The following SLC9A9 variants were observed in gnomAD, a reference collection of about 807,000 sequenced individuals.
The protein encoded by SLC9A9 is sodium/hydrogen exchanger 9.
In SLC9A9, 62 loss-of-function variants were observed where a neutral mutation model predicts 77.8. The ratio of observed to expected loss-of-function variants is 0.80; its 90% CI spans 0.65 to 0.98. The LOEUF is 0.98. Ranked by LOEUF, SLC9A9 falls within the 50% of genes least tolerant of loss-of-function variation. The pLI is 0.00. For synonymous variants in SLC9A9, 320 were observed against 283.5 expected (o/e 1.13, Z -1.29); for missense variants, 775 against 774.9 (o/e 1.00, Z 0.00).
intron 12 of SLC9A9, among the ~76,000 whole-genome samples, chr3:143,433,160 A>T (rs951043611): frequency 3.9e-5 from 6 of 152,170 alleles, no homozygotes; most frequent in Admixed American, 3.3e-4. Flanking sequence ...ATCAATCTTG[A>T]TAAGTTTGCT....
rs146318775 is a variant in SLC9A9, at chr3:143,661,744, C to T, written c.650-9384G>A. Among the ~76,000 whole-genome samples the T allele has an allele frequency of 7.6e-3, 1,150 of 152,184 alleles. 16 individuals are homozygous for T. Among genetic ancestry groups the T allele is most frequent in the African/African-American group, 0.025 (1,047 of 41,518 alleles). Reference sequence around the variant, plus strand: ...TTCCTTATGTTGGCCAGGCTGGTCTCGAACTCCTGACCTCAAATGATCCAC... The same window carrying T: ...TTCCTTATGTTGGCCAGGCTGGTCTTGAACTCCTGACCTCAAATGATCCAC... On this transcript the variant is annotated intron_variant, in intron 5 of 15. Transcript: ENST00000316549.
chr3:143,780,535 C>G (rs911472247), intron 4 of SLC9A9, among the ~76,000 whole-genome samples: 33 of 152,130 alleles, frequency 2.2e-4, no homozygotes, highest in African/African-American at 7.5e-4. Flanking sequence ...AGAGGAAAAA[C>G]AAACCTCAAG....
chr3:143,699,607 T>C (rs1388157680), intron 4 of SLC9A9, among the ~76,000 whole-genome samples: 2 of 152,178 alleles, frequency 1.3e-5, no homozygotes, highest in South Asian at 2.1e-4. Flanking sequence ...ACTCAGTTCA[T>C]GCCTTTCCAC....
At chr3:143,716,827 T>G (rs150649888) in intron 4 of SLC9A9, among the ~76,000 whole-genome samples, 2 of 152,166 alleles carry the variant, frequency 1.3e-5, no homozygotes, top group Non-Finnish European at 2.9e-5. Flanking sequence ...AGGGAGAATA[T>G]AGGATGGTAC....
At chr3:143,707,241 G>C (rs1483900397) in intron 4 of SLC9A9, among the ~76,000 whole-genome samples, 4 of 152,100 alleles carry the variant, frequency 2.6e-5, no homozygotes, top group Non-Finnish European at 4.4e-5. Flanking sequence ...GGGACTTCCA[G>C]TATTGGGAAT....
rs58524637 is a variant in SLC9A9 at position 143,660,550 on chromosome 3, T to C, written c.650-8190A>G. ...GTGAGACTCTGATCTAAGAACCCAA[T>C]TGAACCAACCTGGACTTCTGACCTA... On this transcript the variant is annotated intron_variant, in intron 5 of 15. Transcript: ENST00000316549. Among the ~76,000 whole-genome samples the C allele has an allele frequency of 8.5e-4, 129 of 152,304 alleles. 4 individuals are homozygous for C. The East Asian group carries it at 0.024, about 29-fold the overall frequency.
At chr3:143,458,919 T>A (rs1183932819) in intron 12 of SLC9A9, among the ~76,000 whole-genome samples, 4 of 152,166 alleles carry the variant, frequency 2.6e-5, no homozygotes, top group South Asian at 2.1e-4. Flanking sequence ...ATTCTTTTTT[T>A]AAAGAGCAGA....
intron 14 of SLC9A9, among the ~76,000 whole-genome samples, chr3:143,309,098 T>C (rs1351145843): frequency 7.2e-5 from 11 of 152,228 alleles, no homozygotes; most frequent in Non-Finnish European, 5.9e-5. Flanking sequence ...AAGATTCTAT[T>C]TGGACCTCAA....
Position 143,696,248 on chromosome 3 carries a change from A to C in SLC9A9, c.534-2941T>G, listed in dbSNP as rs536830578. ...GCCTATGTCCTGAATGGTACTGCCT[A>C]GGTTTTCTTCTAGGGTTTTTATGGT... On this transcript the variant is annotated intron_variant, in intron 4 of 15. Coordinates refer to ENST00000316549, the MANE Select transcript of SLC9A9 (RefSeq NM_173653.4). Among the ~76,000 whole-genome samples, 21 of 152,258 alleles carry C rather than the reference A, an allele frequency of 1.4e-4. No homozygotes were observed. The East Asian group carries it at 4.1e-3, about 29-fold the overall frequency.
intron 14 of SLC9A9, among the ~76,000 whole-genome samples, chr3:143,298,539 G>A (rs2030380224): frequency 1.3e-5 from 2 of 152,206 alleles, no homozygotes; most frequent in South Asian, 4.1e-4. Flanking sequence ...GCTCAGTAGG[G>A]CATTGGCAAT....
At chr3:143,438,610 A>G (rs2034669080) in intron 12 of SLC9A9, among the ~76,000 whole-genome samples, 1 of 152,162 alleles carries the variant, frequency 6.6e-6, no homozygotes, top group African/African-American at 2.4e-5. Flanking sequence ...CAGACAGTGG[A>G]ATCAGTGTGT....
intron 12 of SLC9A9, among the ~76,000 whole-genome samples, chr3:143,436,373 G>C (rs1477843603): frequency 2.0e-5 from 3 of 152,214 alleles, no homozygotes; most frequent in Non-Finnish European, 4.4e-5. Flanking sequence ...TTAGCACTAG[G>C]AGGCCCTGTT....
chr3:143,567,754 G>A (rs560501906), intron 8 of SLC9A9, among the ~76,000 whole-genome samples: 3 of 152,274 alleles, frequency 2.0e-5, no homozygotes, highest in East Asian at 1.9e-4. Flanking sequence ...TGCAGGCCAC[G>A]TGTTAATGAG....
chr3:143,733,080 T>C (rs1220051889), intron 4 of SLC9A9, among the ~76,000 whole-genome samples: 3 of 152,218 alleles, frequency 2.0e-5, no homozygotes, highest in Non-Finnish European at 2.9e-5. Context: ...TGAACTATTA[T>C]TACTTCTGTT....
rs553932797 is a variant in SLC9A9, at chr3:143,366,304, A to G, written c.1525-2741T>C. Among the ~76,000 whole-genome samples, 3 of 152,328 alleles carry G rather than the reference A, an allele frequency of 2.0e-5. No individual in the cohort carries two copies. In the East Asian group the frequency reaches 5.8e-4, roughly 29 times the overall value. ...TTTTCAATTCTCACTCTATCAAGGT[A>G]GGTTGCATTGTACCTATTTTGCACA... On this transcript the variant is annotated intron_variant, in intron 13 of 15. Coordinates refer to ENST00000316549, the MANE Select transcript of SLC9A9 (RefSeq NM_173653.4).
chr3:143,692,487 G>A (rs894883373), intron 5 of SLC9A9, among the ~76,000 whole-genome samples: 31 of 152,136 alleles, frequency 2.0e-4, no homozygotes, highest in Non-Finnish European at 3.8e-4. Context: ...TGGGTGTGGA[G>A]GGGGTATAAA....
intron 12 of SLC9A9, among the ~76,000 whole-genome samples, chr3:143,405,624 T>G (rs2033961516): frequency 6.6e-6 from 1 of 152,182 alleles, no homozygotes; most frequent in African/African-American, 2.4e-5. Context: ...GGGAGCATTA[T>G]TTTTTAAAAC....
chr3:143,786,203 A>C (rs1481348223), intron 4 of SLC9A9, among the ~76,000 whole-genome samples: 2 of 152,184 alleles, frequency 1.3e-5, no homozygotes, highest in South Asian at 2.1e-4. Flanking sequence ...AATCCTTAGG[A>C]TAGGTTGTTT....
intron 4 of SLC9A9, among the ~76,000 whole-genome samples, chr3:143,741,796 AC>A (rs1215239014): frequency 1.3e-5 from 2 of 152,086 alleles, no homozygotes; most frequent in East Asian, 3.9e-4. Flanking sequence ...CAAAATTATG[AC>A]TGAGACAGTG....
Sources: gnomAD v4.1 joint callset for allele counts (sites outside exome capture counted in the v4.1 genomes callset) on GRCh38, gnomAD v4.1.1 for gene constraint, MANE v1.5 for transcripts, NCBI Gene and HGNC (gene_info 2026-07-23, HGNC 2026-07-21) for gene names.